The following IMMP2L variants were observed in gnomAD, a reference collection of about 807,000 sequenced individuals.
IMMP2L encodes the protein inner mitochondrial membrane peptidase subunit 2, also known as mitochondrial inner membrane protease subunit 2.
Under a neutral mutation model 19.3 loss-of-function variants are expected in IMMP2L, and 18 were observed. That is an observed-to-expected ratio of 0.93 (90% CI 0.64 to 1.38). The LOEUF is 1.38. Ranked by LOEUF, IMMP2L falls within the 40% of genes most tolerant of loss-of-function variation. The probability of loss-of-function intolerance (pLI) is 0.00; values close to 1 mark genes in which losing one functional copy is unlikely to be tolerated. For synonymous variants in IMMP2L, 76 were observed against 73.0 expected, an observed-to-expected ratio of 1.04 and a Z score of -0.21; for missense variants, 233 against 218.2, an observed-to-expected ratio of 1.07 and a Z score of -0.43.
At chr7:111,241,056 C>A (rs1405402295) in intron 3 of IMMP2L, among the ~76,000 whole-genome samples, 1 of 151,806 alleles carries the variant, frequency 6.6e-6, no homozygotes, top group Non-Finnish European at 1.5e-5. Flanking sequence ...CTCGGAAAAC[C>A]TTTAAGATAA....
At chr7:111,046,935 T>C (rs1792456452) in intron 3 of IMMP2L, among the ~76,000 whole-genome samples, 1 of 152,032 alleles carries the variant, frequency 6.6e-6, no homozygotes, top group African/African-American at 2.4e-5. Flanking sequence ...GGCATTATAT[T>C]AAAAATAAAA....
intron 4 of IMMP2L, among the ~76,000 whole-genome samples, chr7:110,918,160 T>G (rs2129550130): frequency 6.6e-6 from 1 of 152,292 alleles, no homozygotes; most frequent in South Asian, 2.1e-4. Context: ...AATTTGATAT[T>G]ATAGCCTAAG....
At chr7:110,879,023 G>A (rs190651899) in intron 5 of IMMP2L, among the ~76,000 whole-genome samples, 15 of 152,238 alleles carry the variant, frequency 9.9e-5, no homozygotes, top group African/African-American at 3.6e-4. Flanking sequence ...TATATTAGGG[G>A]ACGATCTAAT....
intron 1 of IMMP2L, among the ~76,000 whole-genome samples, chr7:111,545,408 T>C (rs764766910): frequency 6.6e-5 from 10 of 152,190 alleles, no homozygotes; most frequent in Non-Finnish European, 1.0e-4. Context: ...TCGGAGTTTT[T>C]TGAGACAGAA....
intron 2 of IMMP2L, among the ~76,000 whole-genome samples, chr7:111,501,776 G>C (rs865780557): frequency 6.6e-6 from 1 of 152,148 alleles, no homozygotes; most frequent in African/African-American, 2.4e-5. Context: ...CACATGCTGA[G>C]AGATTCTGTC....
intron 3 of IMMP2L, among the ~76,000 whole-genome samples, chr7:111,024,719 C>G (rs148556294): frequency 6.6e-6 from 1 of 152,104 alleles, no homozygotes; most frequent in African/African-American, 2.4e-5. Context: ...CATCTAGAAG[C>G]CCCTTTACTC....
At chr7:111,214,133 C>G (rs1811630170) in intron 3 of IMMP2L, among the ~76,000 whole-genome samples, 1 of 151,922 alleles carries the variant, frequency 6.6e-6, no homozygotes, top group Admixed American at 6.6e-5. Context: ...TTTTACTATC[C>G]AGTCCCTTCC....
At chr7:110,967,873 T>C (rs1031628172) in intron 3 of IMMP2L, among the ~76,000 whole-genome samples, 2 of 152,132 alleles carry the variant, frequency 1.3e-5, no homozygotes, top group Non-Finnish European at 2.9e-5. Context: ...TATCAAATGA[T>C]AGCTTATCAC....
intron 5 of IMMP2L, among the ~76,000 whole-genome samples, chr7:110,676,882 A>T (rs753498205): frequency 6.6e-6 from 1 of 152,164 alleles, no homozygotes; most frequent in East Asian, 1.9e-4. Flanking sequence ...TGCCCTTATA[A>T]TCACTGCTGA....
chr7:110,824,256 A>G (rs1484785255), intron 5 of IMMP2L, among the ~76,000 whole-genome samples: 2 of 152,104 alleles, frequency 1.3e-5, no homozygotes, highest in Non-Finnish European at 2.9e-5. Context: ...ACCCTTCTTT[A>G]GCCCCTAATC....
At chr7:111,240,294 A>G (rs1231820765) in intron 3 of IMMP2L, among the ~76,000 whole-genome samples, 1 of 151,996 alleles carries the variant, frequency 6.6e-6, no homozygotes, top group Non-Finnish European at 1.5e-5. Flanking sequence ...TTCTTCTAAA[A>G]AGAGTAATTT....
At chr7:110,697,856 C>T (rs1167761043) in intron 5 of IMMP2L, among the ~76,000 whole-genome samples, 2 of 152,058 alleles carry the variant, frequency 1.3e-5, no homozygotes, top group Non-Finnish European at 2.9e-5. Context: ...GCTAGAATTA[C>T]TTGTGCACAT....
intron 5 of IMMP2L, among the ~76,000 whole-genome samples, chr7:110,844,412 T>C (rs748119699): frequency 2.0e-5 from 3 of 151,940 alleles, no homozygotes; most frequent in South Asian, 2.1e-4. Context: ...CAGCAGCAAT[T>C]GCAAAATAAT....
At chr7:111,001,273 T>C (rs1404618802) in intron 3 of IMMP2L, among the ~76,000 whole-genome samples, 1 of 152,194 alleles carries the variant, frequency 6.6e-6, no homozygotes, top group Non-Finnish European at 1.5e-5. Context: ...TCTTTAATTA[T>C]TACAAACATC....
At chr7:110,904,352 C>G (rs990130878) in intron 4 of IMMP2L, among the ~76,000 whole-genome samples, 1 of 152,048 alleles carries the variant, frequency 6.6e-6, no homozygotes, top group Non-Finnish European at 1.5e-5. Flanking sequence ...AGTTTTTCCC[C>G]TATGTTTTCT....
chr7:110,671,535 T>A (rs908987762), intron 5 of IMMP2L, among the ~76,000 whole-genome samples: 1 of 152,186 alleles, frequency 6.6e-6, no homozygotes, highest in Admixed American at 6.5e-5. Context: ...ACGAACCACA[T>A]GGACTAAATT....
At chr7:110,697,649 G>A (rs62463975) in intron 5 of IMMP2L, among the ~76,000 whole-genome samples, 33,183 of 151,914 alleles carry the variant, frequency 0.22, 4,139 homozygotes, top group Non-Finnish European at 0.28. Context: ...CAAAAAATTA[G>A]CTGGCTGTGG....
chr7:110,823,379 C>A (rs1320862180), intron 5 of IMMP2L, among the ~76,000 whole-genome samples: 2 of 151,950 alleles, frequency 1.3e-5, no homozygotes, highest in Non-Finnish European at 2.9e-5. Flanking sequence ...TTACTTGACT[C>A]TTGACTCAAA....
chr7:110,975,628 G>A (rs1244506488), intron 3 of IMMP2L, among the ~76,000 whole-genome samples: 1 of 152,054 alleles, frequency 6.6e-6, no homozygotes, highest in African/African-American at 2.4e-5. Context: ...AGATGTTTTA[G>A]TGCTAGAGAC....
Sources: gnomAD v4.1 joint callset for allele counts (sites outside exome capture counted in the v4.1 genomes callset) on GRCh38, gnomAD v4.1.1 for gene constraint, MANE v1.5 for transcripts, NCBI Gene and HGNC (gene_info 2026-07-23, HGNC 2026-07-21) for gene names.